TENM2: variants seen among roughly 807,000 people sequenced by gnomAD.
TENM2 encodes teneurin-2.
Under a neutral mutation model 245.2 loss-of-function variants are expected in TENM2, and 52 were observed. The ratio of observed to expected loss-of-function variants is 0.21; its 90% CI spans 0.17 to 0.27. TENM2 has a LOEUF of 0.27. Among genes scored for constraint, TENM2 ranks in the 10% least tolerant of loss-of-function variants. The pLI, the probability that TENM2 is intolerant of heterozygous loss-of-function variation, is 1.00. For missense variants in TENM2, 3,046 were observed against 3,666.8 expected, an observed-to-expected ratio of 0.83 and a Z score of 4.37; for synonymous variants, 1,363 against 1,438.9, an observed-to-expected ratio of 0.95 and a Z score of 1.19.
intron 2 of TENM2, among the ~76,000 whole-genome samples, chr5:167,480,168 A>T (rs1426973909): frequency 6.6e-6 from 1 of 152,148 alleles, no homozygotes; most frequent in African/African-American, 2.4e-5. Context: ...TCCAATAGTC[A>T]GTTATGTCTT....
At chr5:167,998,258 T>A (rs1052069659) in intron 5 of TENM2, among the ~76,000 whole-genome samples, 3 of 152,222 alleles carry the variant, frequency 2.0e-5, no homozygotes, top group African/African-American at 7.2e-5. Flanking sequence ...TTTTAGAAGT[T>A]ACTCAGTTTC....
At chr5:167,306,628 G>GAAAAC (rs1012373206) in intron 1 of TENM2, 1 of 152,136 alleles carries the variant, frequency 6.6e-6, no homozygotes, top group Non-Finnish European at 1.5e-5. Context: ...CAAGTGATAA[G>GAAAAC]AAAACAAAAC....
At chr5:167,219,343 CAACCAAACA>C in the TENM2 span, among the ~76,000 whole-genome samples, 1 of 143,006 alleles carries the variant, frequency 7.0e-6, no homozygotes, top group South Asian at 2.2e-4. Flanking sequence ...AAAACAAAAC[CAACCAAACA>C]AAACAAACAA....
At chr5:167,401,816 G>A (rs1323487687) in intron 2 of TENM2, among the ~76,000 whole-genome samples, 1 of 152,098 alleles carries the variant, frequency 6.6e-6, no homozygotes, top group Non-Finnish European at 1.5e-5. Flanking sequence ...ATTATTGTTG[G>A]ATAGTTAGGG....
intron 5 of TENM2, among the ~76,000 whole-genome samples, chr5:168,046,198 T>C (rs139745521): frequency 5.3e-5 from 8 of 152,320 alleles, no homozygotes; most frequent in Non-Finnish European, 1.2e-4. Flanking sequence ...GTGGTAGGCA[T>C]GCAGAATTAA....
At chr5:167,828,609 A>G (rs959879512) in intron 2 of TENM2, among the ~76,000 whole-genome samples, 7 of 152,208 alleles carry the variant, frequency 4.6e-5, no homozygotes, top group African/African-American at 1.4e-4. Context: ...GTCTGTAGCC[A>G]ATAATAAATG....
chr5:167,157,891 AAC>A, the TENM2 span, among the ~76,000 whole-genome samples: 13 of 152,262 alleles, frequency 8.5e-5, no homozygotes, highest in African/African-American at 3.1e-4. Flanking sequence ...GTAATGAAAT[AAC>A]AGTTTAATTA....
chr5:168,208,245 C>T (rs1368934681), intron 19 of TENM2, among the ~76,000 whole-genome samples: 1 of 152,168 alleles, frequency 6.6e-6, no homozygotes, highest in Admixed American at 6.5e-5. Flanking sequence ...ACATAAGAAT[C>T]TCACACCTTA....
At chr5:167,016,668 G>A in the TENM2 span, among the ~76,000 whole-genome samples, 1 of 152,108 alleles carries the variant, frequency 6.6e-6, no homozygotes, top group Non-Finnish European at 1.5e-5. Context: ...AACCTTGAGA[G>A]CATTATGTTA....
chr5:168,187,889 G>A (rs1295780148), intron 13 of TENM2, among the ~76,000 whole-genome samples: 1 of 152,274 alleles, frequency 6.6e-6, no homozygotes, highest in East Asian at 1.9e-4. Flanking sequence ...GATGTTCAGA[G>A]CCTTGATTTT....
chr5:167,692,644 T>C (rs1757507117), intron 2 of TENM2, among the ~76,000 whole-genome samples: 1 of 152,234 alleles, frequency 6.6e-6, no homozygotes, highest in African/African-American at 2.4e-5. Context: ...TTTGTGTATG[T>C]GCTTCTGGCA....
At chr5:168,249,935 A>G (rs940640238) in intron 27 of TENM2, among the ~76,000 whole-genome samples, 3 of 152,222 alleles carry the variant, frequency 2.0e-5, no homozygotes, top group African/African-American at 4.8e-5. Flanking sequence ...CCATTCACCC[A>G]TTCAACAAAT....
intron 2 of TENM2, among the ~76,000 whole-genome samples, chr5:167,643,413 A>G (rs1193587636): frequency 6.6e-6 from 1 of 152,122 alleles, no homozygotes; most frequent in African/African-American, 2.4e-5. Context: ...ACTTGGTGTA[A>G]TCTTTTTTGT....
intron 1 of TENM2, among the ~76,000 whole-genome samples, chr5:167,335,955 C>A (rs1253299607): frequency 1.3e-5 from 2 of 152,044 alleles, no homozygotes; most frequent in South Asian, 2.1e-4. Flanking sequence ...ATCATGACCC[C>A]CTCCCTGCTT....
intron 4 of TENM2, among the ~76,000 whole-genome samples, chr5:167,960,165 C>T (rs555865352): frequency 5.3e-5 from 8 of 152,308 alleles, no homozygotes; most frequent in South Asian, 2.1e-4. Context: ...TCAGGAGGCA[C>T]GGGGGTTAGG....
intron 1 of TENM2, among the ~76,000 whole-genome samples, chr5:167,293,816 G>T (rs1754793611): frequency 6.6e-6 from 1 of 152,060 alleles, no homozygotes; most frequent in African/African-American, 2.4e-5. Context: ...CCTATGCAAA[G>T]GGTAGCACCA....
the TENM2 span, among the ~76,000 whole-genome samples, chr5:167,026,467 T>C: frequency 6.6e-6 from 1 of 152,162 alleles, no homozygotes; most frequent in African/African-American, 2.4e-5. Flanking sequence ...AAGCTGAATG[T>C]CAGTTGTTGT....
At chr5:167,894,037 A>G (rs1774975941) in intron 3 of TENM2, among the ~76,000 whole-genome samples, 1 of 152,234 alleles carries the variant, frequency 6.6e-6, no homozygotes, top group Non-Finnish European at 1.5e-5. Context: ...GCGGCAGCAT[A>G]ATCATTTATG....
At chr5:167,449,101 A>C (rs1006713313) in intron 2 of TENM2, among the ~76,000 whole-genome samples, 1 of 152,194 alleles carries the variant, frequency 6.6e-6, no homozygotes, top group Middle Eastern at 3.2e-3. Context: ...TTAATTTTCC[A>C]AATAAAATTG....
Sources: gnomAD v4.1 joint callset for allele counts (sites outside exome capture counted in the v4.1 genomes callset) on GRCh38, gnomAD v4.1.1 for gene constraint, MANE v1.5 for transcripts, NCBI Gene and HGNC (gene_info 2026-07-23, HGNC 2026-07-21) for gene names.